The following DPH6 variants were observed in gnomAD, a reference collection of about 807,000 sequenced individuals.
DPH6 encodes diphthamine biosynthesis 6, also known as diphthine--ammonia ligase.
Under a neutral mutation model 38.2 loss-of-function variants are expected in DPH6, and 33 were observed. That is an observed-to-expected ratio of 0.86 (90% CI 0.65 to 1.15). The LOEUF (loss-of-function observed/expected upper bound fraction) is 1.15, where lower values mean the gene tolerates loss of function less well. Among genes scored for constraint, DPH6 ranks in the 50% most tolerant of loss-of-function variants. DPH6 has a pLI of 0.00. For missense variants in DPH6, 325 were observed against 320.0 expected (o/e 1.02, Z -0.12); for synonymous variants, 108 against 103.0 (o/e 1.05, Z -0.30).
Position 35,542,462 on chromosome 15 carries a change from A to G in DPH6, c.69T>C (p.Ala23=). The G allele has an allele frequency of 6.3e-7, 1 of 1,582,448 alleles. No homozygotes were observed. Among genetic ancestry groups the G allele is most frequent in the East Asian group, 2.3e-5 (1 of 44,296 alleles). The change falls in exon 2 of 9, where the codon GCT becomes GCC. Residue 23 remains alanine (A), a synonymous_variant. Coordinates refer to ENST00000256538, the MANE Select transcript of DPH6 (RefSeq NM_080650.4). ...TTGCTAAAGCAACGATCTGATGCCC[A>G]GCAGCAATGCACTGCATCATATTAT... ...SCYNMMQCIA[A]GHQIVALANL...
intron 3 of DPH6, among the ~76,000 whole-genome samples, chr15:35,298,010 C>A (rs1465902535): frequency 1.3e-5 from 2 of 152,134 alleles, no homozygotes; most frequent in Non-Finnish European, 2.9e-5. Context: ...TTATTATTGC[C>A]TCCCATCTCT....
chr15:35,302,354 T>C (rs896183141), intron 3 of DPH6, among the ~76,000 whole-genome samples: 1 of 152,252 alleles, frequency 6.6e-6, no homozygotes, highest in Non-Finnish European at 1.5e-5. Context: ...CATCCTTTCA[T>C]TGTTTCAGCT....
chr15:35,532,933 G>GTCTC (rs900764174), intron 3 of DPH6, among the ~76,000 whole-genome samples: 5 of 151,822 alleles, frequency 3.3e-5, no homozygotes, highest in African/African-American at 1.2e-4. Flanking sequence ...GCAAAACCCC[G>GTCTC]TCTCTACTAA....
intron 2 of DPH6, among the ~76,000 whole-genome samples, chr15:35,541,595 A>T (rs1049204465): frequency 2.0e-5 from 3 of 152,158 alleles, no homozygotes; most frequent in African/African-American, 7.2e-5. Context: ...GTGCAAAAAC[A>T]TGGAGCCTGG....
chr15:35,328,711 T>A (rs2052304535), downstream of DPH6, among the ~76,000 whole-genome samples: 3 of 152,192 alleles, frequency 2.0e-5, no homozygotes, highest in South Asian at 6.2e-4. Context: ...TCCAAATAGG[T>A]AGGAAAATAA....
At chr15:35,545,504 A>G (rs2055333080) in intron 1 of DPH6, among the ~76,000 whole-genome samples, 1 of 152,236 alleles carries the variant, frequency 6.6e-6, no homozygotes, top group Non-Finnish European at 1.5e-5. Flanking sequence ...TACCACGAAG[A>G]GAGATCTCTG....
chr15:35,213,740 C>T (rs995692729), downstream of DPH6, among the ~76,000 whole-genome samples: 7 of 152,214 alleles, frequency 4.6e-5, no homozygotes, highest in Non-Finnish European at 7.3e-5. Context: ...AAAGCACCAA[C>T]TGCCACCCCC....
At chr15:35,465,466 C>T (rs995634416) in intron 3 of DPH6, among the ~76,000 whole-genome samples, 16 of 152,136 alleles carry the variant, frequency 1.1e-4, no homozygotes, top group Non-Finnish European at 2.1e-4. Flanking sequence ...GCAAGTATAG[C>T]ATTAGATGCT....
At chr15:35,410,769 T>A in intron 6 of DPH6, 66 bp downstream of exon 6, 1 of 1,305,968 alleles carries the variant, frequency 7.7e-7, no homozygotes, top group Non-Finnish European at 1.0e-6. Context: ...TTAATCATTG[T>A]ATCACAGCAT....
At chr15:35,407,781 C>T (rs1181142248) in intron 6 of DPH6, among the ~76,000 whole-genome samples, 1 of 151,732 alleles carries the variant, frequency 6.6e-6, no homozygotes, top group Non-Finnish European at 1.5e-5. Flanking sequence ...GTGGCTACAG[C>T]TAAGGGAATG....
chr15:35,353,960 G>T (rs2052537747), intron 3 of DPH6, among the ~76,000 whole-genome samples: 1 of 152,006 alleles, frequency 6.6e-6, no homozygotes, highest in Non-Finnish European at 1.5e-5. Flanking sequence ...TTTTGTTGAG[G>T]AGTGGTTTGT....
intron 3 of DPH6, among the ~76,000 whole-genome samples, chr15:35,499,549 GT>G (rs1268654900): frequency 1.3e-5 from 2 of 152,128 alleles, no homozygotes; most frequent in South Asian, 2.1e-4. Context: ...TTTCCACTGT[GT>G]TTTGGGGAAA....
chr15:35,305,365 A>C (rs548826300), intron 3 of DPH6, among the ~76,000 whole-genome samples: 1 of 53,754 alleles, frequency 1.9e-5, no homozygotes, highest in East Asian at 5.9e-4. Context: ...ATTTTTCATG[A>C]CTTTAACCAC....
intron 6 of DPH6, among the ~76,000 whole-genome samples, chr15:35,394,058 T>C (rs1257208480): frequency 6.6e-6 from 1 of 152,194 alleles, no homozygotes; most frequent in Non-Finnish European, 1.5e-5. Context: ...TTCTAAGTTA[T>C]TGTTACGCTT....
rs539638779 is a variant in DPH6 at position 35,487,521 on chromosome 15, C to T, written c.313-32701G>A. 1.3e-4 allele frequency among the ~76,000 whole-genome samples: 20 copies of T among 152,350 alleles called. No homozygotes were observed. The East Asian group carries it at 3.7e-3, about 28-fold the overall frequency. Reference sequence around the variant, plus strand: ...CAATGGCCTGAGCTGTACCTTGGCCCCTTTTAGCCATGGCTGGAGCTGAAG... The same window carrying T: ...CAATGGCCTGAGCTGTACCTTGGCCTCTTTTAGCCATGGCTGGAGCTGAAG... On this transcript the variant is annotated intron_variant, in intron 3 of 8. Transcript: ENST00000256538.
chr15:35,257,769 G>A (rs1255931391), intron 3 of DPH6, among the ~76,000 whole-genome samples: 1 of 28,650 alleles, frequency 3.5e-5, no homozygotes, highest in Non-Finnish European at 8.6e-5. Context: ...CTTGGTCTCA[G>A]CTTTGTGTGT....
chr15:35,546,009 C>A, intron 1 of DPH6, 110 bp downstream of exon 1: 5 of 1,015,382 alleles, frequency 4.9e-6, no homozygotes, highest in South Asian at 3.9e-5. Flanking sequence ...AGCCGCGGAA[C>A]CCCCAACGCG....
At chr15:35,515,281 T>C (rs1411546333) in intron 3 of DPH6, among the ~76,000 whole-genome samples, 4 of 152,182 alleles carry the variant, frequency 2.6e-5, no homozygotes, top group South Asian at 2.1e-4. Flanking sequence ...AAAAAGCATA[T>C]AGAACAAAAT....
chr15:35,193,635 T>C, the DPH6 span, among the ~76,000 whole-genome samples: 1 of 152,174 alleles, frequency 6.6e-6, no homozygotes, highest in East Asian at 1.9e-4. Context: ...ATTTCTCAGA[T>C]GAAGATATTT....
Sources: allele counts gnomAD v4.1 joint callset (sites outside exome capture counted in the v4.1 genomes callset), GRCh38; gene constraint gnomAD v4.1.1; transcripts MANE v1.5; gene names NCBI Gene and HGNC (gene_info 2026-07-23, HGNC 2026-07-21).